Variants in MAN1C1 observed in about 807,000 individuals in gnomAD.
MAN1C1 encodes mannosidase alpha class 1C member 1.
Under a neutral mutation model 71.5 loss-of-function variants are expected in MAN1C1, and 49 were observed. That is an observed-to-expected ratio of 0.69 (90% CI 0.54 to 0.87). MAN1C1 has a LOEUF of 0.87. MAN1C1 is among the 40% of genes least tolerant of loss of function. The probability of loss-of-function intolerance (pLI) is 0.00; values close to 1 mark genes in which losing one functional copy is unlikely to be tolerated. For missense variants in MAN1C1, 743 were observed against 835.0 expected (o/e 0.89, Z 1.36); for synonymous variants, 352 against 343.7 (o/e 1.02, Z -0.27).
intron 2 of MAN1C1, among the ~76,000 whole-genome samples, chr1:25,695,719 A>G (rs2046361328): frequency 1.3e-5 from 2 of 152,264 alleles, no homozygotes; most frequent in South Asian, 4.1e-4. Context: ...TTCCACTAGC[A>G]CAGAGCATAA....
rs1306733450 is a variant in MAN1C1 at position 25,783,877 on chromosome 1, AAGGCCCCATCTCGGGC to A, written c.*91_*106del. 2 of 1,504,366 alleles carry A rather than the reference AAGGCCCCATCTCGGGC, an allele frequency of 1.3e-6. No individual in the cohort carries two copies. Among genetic ancestry groups the A allele is most frequent in the African/African-American group, 2.8e-5 (2 of 72,434 alleles). 93.2% of individuals were successfully genotyped at this position (1,504,366 alleles called of 1,614,324 possible). Reference sequence around the variant, plus strand: ...ACTGTTCTCAAAGGGATTGGGAACGAAGGCCCCATCTCGGGCAGACCCCCAGCAGATGTGTCGGACA... The same window carrying A: ...ACTGTTCTCAAAGGGATTGGGAACGAAGACCCCCAGCAGATGTGTCGGACA... On this transcript the variant is annotated 3_prime_UTR_variant, in exon 12 of 12. Coordinates refer to ENST00000374332, the MANE Select transcript of MAN1C1 (RefSeq NM_020379.4).
Position 25,618,270 on chromosome 1 carries a change from G to T in MAN1C1, c.473G>T (p.Gly158Val). The change falls in exon 1 of 12, where the codon GGA becomes GTA. Residue 158 changes from glycine (G) to valine (V), a missense_variant. Physicochemically the swap from Gly to Val is moderately radical, Grantham distance 109 (BLOSUM62 -3). Coordinates refer to ENST00000374332, the MANE Select transcript of MAN1C1 (RefSeq NM_020379.4). The stretch of plus-strand genomic sequence containing the variant: ...AGCCGTCTCCGCCACCCGGTCCTGG[G>T]AACGAGGGCCGATGAGAGTCAGGAG... ...FRSRLRHPVL[G>V]TRADESQEPQ... The T allele has an allele frequency of 6.2e-7, 1 of 1,604,480 alleles. No homozygotes were observed. The highest frequency in any genetic ancestry group is 8.5e-7 in the Non-Finnish European group (1 of 1,177,184).
intron 6 of MAN1C1, among the ~76,000 whole-genome samples, chr1:25,762,430 T>C (rs1304517033): frequency 7.9e-6 from 1 of 126,758 alleles, no homozygotes; most frequent in Non-Finnish European, 1.6e-5. Flanking sequence ...ACCTATACTA[T>C]ACCACATTTT....
intron 1 of MAN1C1, among the ~76,000 whole-genome samples, chr1:25,663,255 A>G (rs1044570682): frequency 6.6e-6 from 1 of 151,458 alleles, no homozygotes; most frequent in African/African-American, 2.4e-5. Flanking sequence ...CACACCTCCT[A>G]TTCCTCTATA....
chr1:25,748,733 G>A (rs1235288242), intron 3 of MAN1C1, among the ~76,000 whole-genome samples: 4 of 152,228 alleles, frequency 2.6e-5, no homozygotes, highest in Non-Finnish European at 4.4e-5. Flanking sequence ...CGAGCTGAGG[G>A]CCCAAGAAAC....
intron 2 of MAN1C1, among the ~76,000 whole-genome samples, chr1:25,723,093 T>C (rs2046788237): frequency 6.7e-6 from 1 of 148,880 alleles, no homozygotes; most frequent in Non-Finnish European, 1.5e-5. Flanking sequence ...TTTCATTCAC[T>C]GTGCCGGGAA....
At chr1:25,771,482 C>T (rs1308691409) in intron 7 of MAN1C1, among the ~76,000 whole-genome samples, 175 bp from the exon 8 acceptor site, 2 of 152,200 alleles carry the variant, frequency 1.3e-5, no homozygotes, top group Non-Finnish European at 2.9e-5. Flanking sequence ...TCCTCCAAGT[C>T]GCAGGCTGTG....
chr1:25,633,907 TA>T, intron 1 of MAN1C1, among the ~76,000 whole-genome samples: 1 of 152,348 alleles, frequency 6.6e-6, no homozygotes, highest in South Asian at 2.1e-4. Flanking sequence ...TTTTGGTGCA[TA>T]TCAAGCTTTG....
chr1:25,641,646 G>A (rs1484978308), intron 1 of MAN1C1, among the ~76,000 whole-genome samples: 2 of 152,326 alleles, frequency 1.3e-5, no homozygotes, highest in South Asian at 2.1e-4. Context: ...TGAGCACAGG[G>A]ATTGAAAAAT....
At chr1:25,638,817 A>G (rs2045499310) in intron 1 of MAN1C1, among the ~76,000 whole-genome samples, 1 of 152,046 alleles carries the variant, frequency 6.6e-6, no homozygotes, top group South Asian at 2.1e-4. Context: ...CTTTGTTTTC[A>G]GCAATTTGAC....
intron 1 of MAN1C1, among the ~76,000 whole-genome samples, chr1:25,622,834 A>G (rs546825383): frequency 1.6e-4 from 25 of 152,188 alleles, no homozygotes; most frequent in Non-Finnish European, 1.3e-4. Flanking sequence ...CTCCCCATTA[A>G]CGGGCTGGTT....
intron 2 of MAN1C1, among the ~76,000 whole-genome samples, chr1:25,724,296 G>C (rs1342935284): frequency 6.6e-6 from 1 of 152,140 alleles, no homozygotes; most frequent in East Asian, 1.9e-4. Context: ...AAAGTCCTGG[G>C]ATTACAGGCA....
At chr1:25,650,186 C>G (rs1241822191) in intron 1 of MAN1C1, among the ~76,000 whole-genome samples, 1 of 152,232 alleles carries the variant, frequency 6.6e-6, no homozygotes, top group Non-Finnish European at 1.5e-5. Context: ...AGCAGCAGGT[C>G]ATTTCTGCCA....
rs1890176 is a variant in MAN1C1 at position 25,730,549 on chromosome 1, C to T, written c.638-16119C>T. 0.045 allele frequency among the ~76,000 whole-genome samples: 6,802 copies of T among 152,268 alleles called. 344 individuals are homozygous for T. Among genetic ancestry groups the T allele is most frequent in the East Asian group, 0.18 (934 of 5,182 alleles). ...CTCGCCAGGAAAGCCTTGAAATGCT[C>T]CTGGGCTTCGATCTTTAGGAAATTG... On this transcript the variant is annotated intron_variant, in intron 2 of 11. Coordinates refer to ENST00000374332, the MANE Select transcript of MAN1C1 (RefSeq NM_020379.4). This position sits in a 1 kb window ranked among gnomAD's most constrained non-coding sequence, Gnocchi z 4.3.
chr1:25,767,830 C>A (rs2124388421), intron 7 of MAN1C1, among the ~76,000 whole-genome samples: 1 of 131,476 alleles, frequency 7.6e-6, no homozygotes, highest in African/African-American at 3.0e-5. Context: ...ACTCCCCTCA[C>A]ACACACTACA....
intron 2 of MAN1C1, among the ~76,000 whole-genome samples, chr1:25,726,546 C>A (rs1216816027): frequency 1.3e-5 from 2 of 152,128 alleles, no homozygotes; most frequent in Non-Finnish European, 2.9e-5. Flanking sequence ...ATCTTGAAGC[C>A]TCATCATCTG....
chr1:25,647,921 A>C (rs2045638486), intron 1 of MAN1C1, among the ~76,000 whole-genome samples: 1 of 152,146 alleles, frequency 6.6e-6, no homozygotes, highest in African/African-American at 2.4e-5. Context: ...CTGACGTTAA[A>C]GCCTCTGGGG....
intron 5 of MAN1C1, 91 bp from the exon 6 acceptor site, chr1:25,758,501 A>T (rs1308633129): frequency 9.6e-7 from 1 of 1,042,998 alleles, no homozygotes; most frequent in East Asian, 2.4e-5. Context: ...GTCACATAGT[A>T]GGTGCCCCCA....
intron 2 of MAN1C1, among the ~76,000 whole-genome samples, chr1:25,697,205 C>T (rs1184237401): frequency 6.6e-6 from 1 of 152,168 alleles, no homozygotes; most frequent in Non-Finnish European, 1.5e-5. Context: ...CCCCCTTCCC[C>T]AGCCCTAGGC....
Sources: gnomAD v4.1 joint callset for allele counts (sites outside exome capture counted in the v4.1 genomes callset) on GRCh38, gnomAD v4.1.1 for gene constraint, Gnocchi (gnomAD v3.1) non-coding constraint, MANE v1.5 for transcripts, NCBI Gene and HGNC (gene_info 2026-07-23, HGNC 2026-07-21) for gene names.